The following ZNF407 variants were observed in gnomAD, a reference collection of about 807,000 sequenced individuals.
ZNF407 encodes zinc finger protein 407.
ZNF407 carries 17 observed loss-of-function variants against 131.2 expected under a neutral mutation model. The observed-to-expected ratio is 0.13, with a 90% confidence interval of 0.09 to 0.19. The LOEUF is 0.19. Ranked by LOEUF, ZNF407 falls within the 10% of genes least tolerant of loss-of-function variation. ZNF407 has a pLI of 1.00. For missense variants in ZNF407, 2,681 were observed against 2,830.6 expected (o/e 0.95, Z 1.20); for synonymous variants, 1,156 against 1,062.0 (o/e 1.09, Z -1.72).
intron 3 of ZNF407, among the ~76,000 whole-genome samples, chr18:74,749,186 T>A (rs1004806391): frequency 6.6e-6 from 1 of 152,304 alleles, no homozygotes; most frequent in Admixed American, 6.5e-5. Flanking sequence ...TCCATCTCAG[T>A]CAATTTTCCT....
rs556858507 is a variant in ZNF407 at position 74,861,049 on chromosome 18, G to A, written c.4878-16148G>A. ...GAGCAGTCACCTTTCCCCACCCATT[G>A]TGTCCGCCTCTTTTTATATGGCCTG... On this transcript the variant is annotated intron_variant, in intron 4 of 8. Coordinates refer to ENST00000299687, the MANE Select transcript of ZNF407 (RefSeq NM_017757.3). Among the ~76,000 whole-genome samples the A allele has an allele frequency of 1.4e-4, 22 of 152,254 alleles. No homozygotes were observed. In the South Asian group the frequency reaches 4.6e-3, roughly 32 times the overall value.
chr18:74,934,422 G>A (rs79313117), intron 8 of ZNF407, among the ~76,000 whole-genome samples: 1 of 152,108 alleles, frequency 6.6e-6, no homozygotes, highest in Non-Finnish European at 1.5e-5. Context: ...CCAGATGTTG[G>A]CCAGGAATAG....
chr18:74,778,566 C>T (rs1428907430), intron 3 of ZNF407, among the ~76,000 whole-genome samples: 3 of 151,954 alleles, frequency 2.0e-5, no homozygotes, highest in Non-Finnish European at 4.4e-5. Context: ...TTGTTTTAGT[C>T]ACCTGTGCAT....
At chr18:74,979,466 A>G (rs1165642184) in intron 8 of ZNF407, among the ~76,000 whole-genome samples, 1 of 152,090 alleles carries the variant, frequency 6.6e-6, no homozygotes, top group Non-Finnish European at 1.5e-5. Context: ...TAATTTTTGT[A>G]TTTTTAGTAA....
chr18:74,788,194 G>A (rs373382468), intron 4 of ZNF407, among the ~76,000 whole-genome samples: 5 of 151,886 alleles, frequency 3.3e-5, no homozygotes, highest in Non-Finnish European at 4.4e-5. Context: ...TTTTATGTCC[G>A]CAATATATTT....
chr18:74,836,385 C>G (rs542985130), intron 4 of ZNF407, among the ~76,000 whole-genome samples: 5 of 152,326 alleles, frequency 3.3e-5, no homozygotes, highest in African/African-American at 1.2e-4. Flanking sequence ...CCACTGTTTG[C>G]CCAAGCCTTG....
chr18:74,836,440 T>C (rs1288399058), intron 4 of ZNF407, among the ~76,000 whole-genome samples: 1 of 152,220 alleles, frequency 6.6e-6, no homozygotes, highest in African/African-American at 2.4e-5. Flanking sequence ...GTGTGTGTAT[T>C]TGGGGAATGC....
At position 74,633,940 on chromosome 18, in the gene ZNF407, T is replaced by C. The variant is rs755835612; in HGVS notation, c.2921T>C (p.Phe974Ser). Reference protein sequence around the residue: ...NSIEAEVENVFHSLDGEVNSH... With the variant: ...NSIEAEVENVSHSLDGEVNSH... Reference sequence around the variant, plus strand: ...ATTGAAGCTGAAGTTGAAAATGTATTTCATTCTCTAGATGGAGAAGTTAAC... The same window carrying C: ...ATTGAAGCTGAAGTTGAAAATGTATCTCATTCTCTAGATGGAGAAGTTAAC... The change falls in exon 2 of 9, where the codon TTT (phenylalanine) becomes TCT (serine). Residue 974 changes from phenylalanine (F) to serine (S), a missense_variant. Physicochemically the swap from Phe to Ser is radical, Grantham distance 155. Coordinates refer to ENST00000299687, the MANE Select transcript of ZNF407 (RefSeq NM_017757.3). 5 of 1,613,894 alleles carry C rather than the reference T, an allele frequency of 3.1e-6. No individual in the cohort carries two copies. Among genetic ancestry groups the C allele is most frequent in the Non-Finnish European group, 3.4e-6 (4 of 1,179,902 alleles).
intron 4 of ZNF407, among the ~76,000 whole-genome samples, chr18:74,839,575 A>G (rs776372255): frequency 6.6e-6 from 1 of 152,210 alleles, no homozygotes; most frequent in Non-Finnish European, 1.5e-5. Context: ...TAGCACATCT[A>G]CAAATACCTT....
intron 4 of ZNF407, among the ~76,000 whole-genome samples, chr18:74,800,194 T>C (rs1366111325): frequency 1.3e-5 from 2 of 152,092 alleles, no homozygotes; most frequent in Non-Finnish European, 2.9e-5. Context: ...AATGAAAAGA[T>C]AGACTTACTT....
chr18:74,701,259 G>C (rs1967487518), intron 3 of ZNF407, among the ~76,000 whole-genome samples: 1 of 152,164 alleles, frequency 6.6e-6, no homozygotes, highest in Non-Finnish European at 1.5e-5. Flanking sequence ...TGAGACAGTA[G>C]GCAATTATCA....
At chr18:74,629,388 T>C (rs189229330) in intron 1 of ZNF407, among the ~76,000 whole-genome samples, 13 of 152,350 alleles carry the variant, frequency 8.5e-5, no homozygotes, top group Admixed American at 8.5e-4. Flanking sequence ...TCATTTTAAA[T>C]TGATTTATCT....
At chr18:74,890,816 G>A (rs1415214293) in intron 7 of ZNF407, among the ~76,000 whole-genome samples, 1 of 152,194 alleles carries the variant, frequency 6.6e-6, no homozygotes, top group African/African-American at 2.4e-5. Context: ...CCTCACAGAG[G>A]AGAGAACATC....
intron 7 of ZNF407, among the ~76,000 whole-genome samples, chr18:74,896,066 A>T (rs1309617691): frequency 6.6e-6 from 1 of 152,194 alleles, no homozygotes; most frequent in Non-Finnish European, 1.5e-5. Flanking sequence ...CAAAATGAAC[A>T]GTACACAATC....
intron 8 of ZNF407, chr18:75,061,681 A>C (rs1049453635): frequency 1.3e-5 from 2 of 152,530 alleles, no homozygotes; most frequent in African/African-American, 4.8e-5. Context: ...TGCCCACCCA[A>C]GCCCTGTGCT....
chr18:75,004,412 T>A (rs1972883205), intron 8 of ZNF407, among the ~76,000 whole-genome samples: 1 of 152,186 alleles, frequency 6.6e-6, no homozygotes, highest in African/African-American at 2.4e-5. Flanking sequence ...AGTGAGCAGG[T>A]GAGCACTGTT....
intron 3 of ZNF407, among the ~76,000 whole-genome samples, chr18:74,690,273 A>G (rs1466789774): frequency 1.3e-5 from 2 of 152,240 alleles, no homozygotes; most frequent in Non-Finnish European, 2.9e-5. Flanking sequence ...TTCCTTTACA[A>G]GGAAACATGC....
In ZNF407 at chr18:74,831,220, G is replaced by A. The variant is rs1187200507; in HGVS notation, c.4878-45977G>A. Among the ~76,000 whole-genome samples the A allele has an allele frequency of 2.6e-5, 4 of 152,166 alleles. No homozygotes were observed. In the East Asian group the frequency reaches 7.7e-4, roughly 29 times the overall value. ...CTGCATATCTTGGCTGTTGTGAACA[G>A]CATGGCAGTAAACATAGGAGTACAG... On this transcript the variant is annotated intron_variant, in intron 4 of 8. Transcript: ENST00000299687.
At chr18:74,929,579 T>TTTTAA (rs1395163578) in intron 8 of ZNF407, among the ~76,000 whole-genome samples, 1 of 152,160 alleles carries the variant, frequency 6.6e-6, no homozygotes, top group African/African-American at 2.4e-5. Flanking sequence ...AACTTACATA[T>TTTTAA]TTTAAAAATT....
Sources: allele counts gnomAD v4.1 joint callset (sites outside exome capture counted in the v4.1 genomes callset), GRCh38; gene constraint gnomAD v4.1.1; transcripts MANE v1.5; gene names NCBI Gene and HGNC (gene_info 2026-07-23, HGNC 2026-07-21).